Variants in KCNQ1OT1 observed in about 807,000 individuals in gnomAD.
KCNQ1OT1 encodes the protein KCNQ1 antisense RNA 2 (non-protein coding).
At chr11:2,656,888 T>G (rs1213484015) in exon 1 of KCNQ1OT1, 1 of 398,510 alleles carries the variant, frequency 2.5e-6, no homozygotes, top group African/African-American at 2.1e-5. Context: ...CAAGAATGAA[T>G]TTTTGGTATA....
In KCNQ1OT1 at chr11:2,662,018, G is replaced by C. The variant is rs199473477; in HGVS notation, n.37977C>G. 1 of 1,614,238 alleles carries C rather than the reference G, an allele frequency of 6.2e-7. No individual in the cohort carries two copies. The highest frequency in any genetic ancestry group is 8.5e-7 in the Non-Finnish European group (1 of 1,180,040). On this transcript the variant is annotated non_coding_transcript_exon_variant, in exon 1 of 1. Transcript: ENST00000597346. ...ATGCCCCATTTCATGAGAACCAACA[G>C]CTTCGCCGAGGACCTGGACCTGGAA...
chr11:2,681,885 G>A (rs1310448154), exon 1 of KCNQ1OT1: 21 of 398,342 alleles, frequency 5.3e-5, no homozygotes, highest in Non-Finnish European at 8.0e-5. Flanking sequence ...ATCTAGGTGG[G>A]GAGAAAACAC....
chr11:2,681,365 A>T, exon 1 of KCNQ1OT1: 1 of 398,214 alleles, frequency 2.5e-6, no homozygotes, highest in East Asian at 3.6e-5. Context: ...TGCTCACTCC[A>T]TGTGGAGGAT....
At position 2,668,873 on chromosome 11, in the gene KCNQ1OT1, C is replaced by T; in HGVS notation, n.31122G>A. On this transcript the variant is annotated non_coding_transcript_exon_variant, in exon 1 of 1. Coordinates refer to ENST00000597346, the Ensembl canonical transcript of KCNQ1OT1. This position sits in a 1 kb window ranked among gnomAD's most constrained non-coding sequence, Gnocchi z 4.3. ...TTGTGTCCTATTTAAGAAACTTTGACTACTCCAAGGTCATAAAGATATTCT... is the reference window on the plus strand; with the variant it reads ...TTGTGTCCTATTTAAGAAACTTTGATTACTCCAAGGTCATAAAGATATTCT... 2.5e-6 allele frequency: 1 copy of T among 398,630 alleles called. No homozygotes were observed. The highest frequency in any genetic ancestry group is 4.4e-5 in the Admixed American group (1 of 22,740). 24.7% of individuals were successfully genotyped at this position (398,630 alleles called of 1,614,324 possible). A position where few individuals can be genotyped will look rare whatever the true frequency, so the allele number is the denominator to read the frequency against.
exon 1 of KCNQ1OT1, chr11:2,644,906 C>T (rs1849643455): frequency 2.5e-6 from 1 of 398,832 alleles, no homozygotes; most frequent in Admixed American, 4.4e-5. Flanking sequence ...ATAGGGACAC[C>T]AGCTGGGCCA....
exon 1 of KCNQ1OT1, chr11:2,692,173 G>A (rs969053013): frequency 2.5e-6 from 1 of 398,670 alleles, no homozygotes; most frequent in Non-Finnish European, 4.4e-6. Context: ...CCTTTCAGTG[G>A]CACAAGTCAG....
At chr11:2,622,394 G>T in exon 1 of KCNQ1OT1, 1 of 398,182 alleles carries the variant, frequency 2.5e-6, no homozygotes, top group South Asian at 1.3e-4. Flanking sequence ...CTATTTGTAT[G>T]AAATATCATT....
chr11:2,633,810 C>G, exon 1 of KCNQ1OT1: 1 of 398,548 alleles, frequency 2.5e-6, no homozygotes, highest in Non-Finnish European at 4.4e-6. Flanking sequence ...CCTGTATATA[C>G]CAAAAGCCAT....
chr11:2,630,231 C>T (rs1016921383), exon 1 of KCNQ1OT1: 6 of 398,050 alleles, frequency 1.5e-5, no homozygotes, highest in African/African-American at 1.0e-4. Context: ...TATATGTACA[C>T]TTAACTGTCC....
At chr11:2,628,735 C>T (rs1849302344) in exon 1 of KCNQ1OT1, 2 of 398,174 alleles carry the variant, frequency 5.0e-6, no homozygotes, top group Admixed American at 4.4e-5. Flanking sequence ...GAGCTTTTCC[C>T]TGTTTTATAG....
At chr11:2,641,276 A>G (rs974677373) in exon 1 of KCNQ1OT1, 2 of 398,348 alleles carry the variant, frequency 5.0e-6, no homozygotes, top group Non-Finnish European at 4.4e-6. Flanking sequence ...ATTCCCACCA[A>G]CAGTGTATAA....
chr11:2,685,977 C>A, exon 1 of KCNQ1OT1: 1 of 398,746 alleles, frequency 2.5e-6, no homozygotes. Flanking sequence ...CCTGTACACT[C>A]TGGGCCTCAG....
chr11:2,622,759 TGA>T (rs1054768919), exon 1 of KCNQ1OT1: 1 of 398,632 alleles, frequency 2.5e-6, no homozygotes, highest in Non-Finnish European at 4.4e-6. Flanking sequence ...CCAGCAAAAT[TGA>T]GAGGTAAGTA....
chr11:2,690,993 T>A lies in KCNQ1OT1; in HGVS notation n.9002A>T, dbSNP rs1850578984. The A allele has an allele frequency of 2.5e-6, 1 of 398,502 alleles. No individual in the cohort carries two copies. The allele number at this position is 398,502 out of a possible 1,614,324, so 24.7% of individuals were successfully genotyped here. A position where few individuals can be genotyped will look rare whatever the true frequency, so the allele number is the denominator to read the frequency against. On this transcript the variant is annotated non_coding_transcript_exon_variant, in exon 1 of 1. Coordinates refer to ENST00000597346, the Ensembl canonical transcript of KCNQ1OT1. This position sits in a 1 kb window ranked among gnomAD's most constrained non-coding sequence, Gnocchi z 5.1. ...CAACAAAAGCCCACCAGACCATCAA[T>A]GAAGTGGGCAAAAGCTCTGGGTGAA...
chr11:2,613,590 T>A lies in KCNQ1OT1; in HGVS notation n.86405A>T, dbSNP rs1849015395. 1 of 398,584 alleles carries A rather than the reference T, an allele frequency of 2.5e-6. No homozygotes were observed. Among genetic ancestry groups the A allele is most frequent in the East Asian group, 3.6e-5 (1 of 28,074 alleles). 24.7% of individuals were successfully genotyped at this position (398,584 alleles called of 1,614,324 possible). On this transcript the variant is annotated non_coding_transcript_exon_variant, in exon 1 of 1. Transcript: ENST00000597346. This position sits in a 1 kb window ranked among gnomAD's most constrained non-coding sequence, Gnocchi z 4.8. ...AATATTTTTTCTTTAATTAGCACTTTTCAATTTTATATTTCTTTGTCCAGT... is the reference window on the plus strand; with the variant it reads ...AATATTTTTTCTTTAATTAGCACTTATCAATTTTATATTTCTTTGTCCAGT...
In KCNQ1OT1 at chr11:2,630,190, CTT is replaced by C. The variant is rs544359388; in HGVS notation, n.69803_69804del. ...ATCAAAATGATTGTATGATTTTTATCTTTGATTTTATTAAAGTATCCCATTTC... is the reference window on the plus strand; with the variant it reads ...ATCAAAATGATTGTATGATTTTTATCTGATTTTATTAAAGTATCCCATTTC... On this transcript the variant is annotated non_coding_transcript_exon_variant, in exon 1 of 1. Coordinates refer to ENST00000597346, the Ensembl canonical transcript of KCNQ1OT1. 1.0e-4 allele frequency: 41 copies of C among 398,154 alleles called. No individual in the cohort carries two copies. In the South Asian group the frequency reaches 4.2e-3, roughly 41 times the overall value. The allele number at this position is 398,154 out of a possible 1,614,324, so 24.7% of individuals were successfully genotyped here.
exon 1 of KCNQ1OT1, chr11:2,699,797 C>G (rs1850760530): frequency 2.5e-6 from 1 of 396,728 alleles, no homozygotes; most frequent in Non-Finnish European, 4.4e-6. Flanking sequence ...CGCCGAGGGG[C>G]GCGCCGGGGA....
chr11:2,696,878 G>C, exon 1 of KCNQ1OT1: 1 of 397,794 alleles, frequency 2.5e-6, no homozygotes, highest in East Asian at 3.6e-5. Context: ...AAGAAATGTG[G>C]TTTGTTTTTG....
chr11:2,657,463 C>T lies in KCNQ1OT1; in HGVS notation n.42532G>A, dbSNP rs1178976608. 1 of 398,388 alleles carries T rather than the reference C, an allele frequency of 2.5e-6. No homozygotes were observed. Among genetic ancestry groups the T allele is most frequent in the Non-Finnish European group, 4.4e-6 (1 of 226,044 alleles). The allele number at this position is 398,388 out of a possible 1,614,324, so 24.7% of individuals were successfully genotyped here. A position where few individuals can be genotyped will look rare whatever the true frequency, so the allele number is the denominator to read the frequency against. The stretch of plus-strand genomic sequence containing the variant: ...TAATATTCTTTTGTGCTATTGTATA[C>T]AGGTTCTGTTTTCTCTTGTTACCTC... On this transcript the variant is annotated non_coding_transcript_exon_variant, in exon 1 of 1. Coordinates refer to ENST00000597346, the Ensembl canonical transcript of KCNQ1OT1. The surrounding 1 kb of genome is among the most constrained non-coding windows in gnomAD (Gnocchi z 4.8).
Sources: gnomAD v4.1 joint callset for allele counts on GRCh38, gnomAD v4.1.1 for gene constraint, Gnocchi (gnomAD v3.1) non-coding constraint, MANE v1.5 for transcripts, NCBI Gene and HGNC (gene_info 2026-07-23, HGNC 2026-07-21) for gene names.